The following SRL variants were observed in gnomAD, a reference collection of about 807,000 sequenced individuals.
SRL encodes sarcalumenin.
A neutral mutation model predicts 39.5 loss-of-function variants in SRL; 23 were observed. The ratio of observed to expected loss-of-function variants is 0.58; its 90% CI spans 0.42 to 0.82. The LOEUF (loss-of-function observed/expected upper bound fraction) is 0.82. Among genes scored for constraint, SRL ranks in the 40% least tolerant of loss-of-function variants. SRL has a pLI of 0.00. For missense variants in SRL, 592 were observed against 607.8 expected, an observed-to-expected ratio of 0.97 and a Z score of 0.27; for synonymous variants, 272 against 237.4, an observed-to-expected ratio of 1.15 and a Z score of -1.34.
intron 1 of SRL, chr16:4,207,049 G>C (rs567959046): frequency 2.0e-5 from 9 of 453,220 alleles, no homozygotes; most frequent in Admixed American, 9.5e-5. Flanking sequence ...TCGGCTTCCT[G>C]CAGATCCCCG....
intron 1 of SRL, among the ~76,000 whole-genome samples, chr16:4,233,265 G>A (rs1268507062): frequency 6.6e-6 from 1 of 152,196 alleles, no homozygotes; most frequent in African/African-American, 2.4e-5. Context: ...GCAGTGCCGT[G>A]CTCTGAGCTT....
chr16:4,214,168 C>T (rs2052427137), intron 1 of SRL, among the ~76,000 whole-genome samples: 3 of 152,212 alleles, frequency 2.0e-5, no homozygotes, highest in African/African-American at 7.2e-5. Flanking sequence ...GAATAGAGGT[C>T]AGGACCTGTT....
At chr16:4,227,991 G>A (rs1054203237) in intron 1 of SRL, among the ~76,000 whole-genome samples, 2 of 152,246 alleles carry the variant, frequency 1.3e-5, no homozygotes, top group African/African-American at 4.8e-5. Flanking sequence ...GTCATTTGGG[G>A]TGGGACACTG....
At chr16:4,223,161 G>A (rs564524325) in intron 1 of SRL, among the ~76,000 whole-genome samples, 1 of 150,924 alleles carries the variant, frequency 6.6e-6, no homozygotes, top group Non-Finnish European at 1.5e-5. Context: ...GAACCTAGGA[G>A]GTGGAGTTTG....
chr16:4,192,025 G>A lies in SRL; in HGVS notation c.*128C>T. On this transcript the variant is annotated 3_prime_UTR_variant, in exon 6 of 6. Coordinates refer to ENST00000399609, the MANE Select transcript of SRL (RefSeq NM_001098814.2). This position sits in a 1 kb window ranked among gnomAD's most constrained non-coding sequence, Gnocchi z 4.0. ...ACCTGCCCCGACCCCTGGCCTCAAT[G>A]AACTCCCAACTCTCCACTGTGTAAT... The A allele has an allele frequency of 9.3e-7, 1 of 1,078,046 alleles. No individual in the cohort carries two copies. Among genetic ancestry groups the A allele is most frequent in the Non-Finnish European group, 1.3e-6 (1 of 743,512 alleles). The allele number at this position is 1,078,046 out of a possible 1,614,324, so 66.8% of individuals were successfully genotyped here.
intron 1 of SRL, among the ~76,000 whole-genome samples, chr16:4,210,234 C>T (rs2052375830): frequency 6.6e-6 from 1 of 152,182 alleles, no homozygotes; most frequent in African/African-American, 2.4e-5. Context: ...CTGACTCCTT[C>T]ACCTACATCT....
At chr16:4,224,014 G>C (rs1359013800) in intron 1 of SRL, among the ~76,000 whole-genome samples, 1 of 152,146 alleles carries the variant, frequency 6.6e-6, no homozygotes, top group Non-Finnish European at 1.5e-5. Context: ...AGAGAGAGGA[G>C]CAGCTGGTGG....
chr16:4,199,692 C>CTTTTTTT (rs201684866), intron 3 of SRL, among the ~76,000 whole-genome samples: 8 of 111,452 alleles, frequency 7.2e-5, no homozygotes, highest in African/African-American at 2.7e-4. Context: ...CTTTTCTTTT[C>CTTTTTTT]CTTTTTTTTT....
In SRL at chr16:4,192,316, CA is replaced by C; in HGVS notation, c.1258del (p.Cys420AlafsTer74). The C allele has an allele frequency of 6.2e-7, 1 of 1,614,198 alleles. No individual in the cohort carries two copies. Among genetic ancestry groups the C allele is most frequent in the Non-Finnish European group, 8.5e-7 (1 of 1,180,030 alleles). On this transcript the variant is annotated frameshift_variant, in exon 6 of 6. Transcript: ENST00000399609. LOFTEE classifies it high-confidence loss of function. This position sits in a 1 kb window ranked among gnomAD's most constrained non-coding sequence, Gnocchi z 4.0. The stretch of plus-strand genomic sequence containing the variant: ...CAGAAAGCAACCTCCCATGTAGGAG[CA>C]CTGCTGGGAGAGCAGTTTGAAACTG... ...ISSFKLLSQQ[C>X]SYMGGCFLEK...
intron 1 of SRL, among the ~76,000 whole-genome samples, chr16:4,222,337 C>T (rs566078231): frequency 8.5e-5 from 13 of 152,204 alleles, no homozygotes; most frequent in Non-Finnish European, 1.6e-4. Flanking sequence ...TGCAGTGGCA[C>T]GATCTCAGCT....
At position 4,192,489 on chromosome 16, in the gene SRL, AC is replaced by A. The variant is rs1244263709; in HGVS notation, c.1085del (p.Ser362MetfsTer132). On this transcript the variant is annotated frameshift_variant, in exon 6 of 6. Coordinates refer to ENST00000399609, the MANE Select transcript of SRL (RefSeq NM_001098814.2). LOFTEE classifies it high-confidence loss of function. This position sits in a 1 kb window ranked among gnomAD's most constrained non-coding sequence, Gnocchi z 4.0. ...QTYKDKMTFFSDGELVFKDIV... is the reference protein window; with the variant it reads ...QTYKDKMTFFXDGELVFKDIV... ...TGTCCTTAAAGACCAGTTCTCCATC[AC>A]TGAAGAAGGTCATTTTGTCCTTGTA... 1.9e-6 allele frequency: 3 copies of A among 1,614,046 alleles called. No homozygotes were observed. The highest frequency in any genetic ancestry group is 2.5e-6 in the Non-Finnish European group (3 of 1,180,034).
At chr16:4,204,440 G>A (rs1461827611) in intron 2 of SRL, 93 bp downstream of exon 2, 4 of 1,153,578 alleles carry the variant, frequency 3.5e-6, no homozygotes, top group African/African-American at 3.1e-5. Context: ...TACAGCCCCG[G>A]CACGCCCTGG....
chr16:4,220,240 C>A (rs1285487470), intron 1 of SRL, among the ~76,000 whole-genome samples: 1 of 150,258 alleles, frequency 6.7e-6, no homozygotes, highest in Non-Finnish European at 1.5e-5. Flanking sequence ...GAGTTTGAGA[C>A]CAGCCTGGCC....
intron 1 of SRL, 31 bp from the exon 2 acceptor site, chr16:4,204,665 G>A: frequency 6.2e-7 from 1 of 1,600,706 alleles, no homozygotes; most frequent in Non-Finnish European, 8.6e-7. Flanking sequence ...CCAAGTGAGA[G>A]CAAAGCTAAC....
Position 4,197,894 on chromosome 16 carries a change from G to A in SRL, c.281C>T (p.Pro94Leu). The A allele has an allele frequency of 1.2e-6, 2 of 1,613,556 alleles. No homozygotes were observed. Among genetic ancestry groups the A allele is most frequent in the Middle Eastern group, 1.7e-4 (1 of 6,060 alleles). The part of the protein sequence containing the change: ...EITDGEITSK[P>L]MVLFLGPWSV... ...CCACGGTCCCAGGAACAGTACCATGGGCTTGGAGGTAATCTCTCCATCTGT... is the reference window on the plus strand; with the variant it reads ...CCACGGTCCCAGGAACAGTACCATGAGCTTGGAGGTAATCTCTCCATCTGT... Residue 94 changes from proline (P) to leucine (L), a missense_variant, in exon 4 of 6, where the codon CCC (proline) becomes CTC (leucine). Pro to Leu is a moderately conservative substitution (Grantham distance 98). Transcript: ENST00000399609.
intron 1 of SRL, among the ~76,000 whole-genome samples, chr16:4,239,199 G>C (rs1372585822): frequency 1.3e-5 from 2 of 152,194 alleles, no homozygotes; most frequent in Non-Finnish European, 2.9e-5. Context: ...GGGTGGGAGA[G>C]AAAGGGGCGG....
intron 3 of SRL, among the ~76,000 whole-genome samples, chr16:4,200,832 G>C (rs1405688170): frequency 6.6e-6 from 1 of 152,182 alleles, no homozygotes; most frequent in Non-Finnish European, 1.5e-5. Context: ...CCCCTCTGTA[G>C]AGCAGGAAGA....
In SRL at chr16:4,198,130, T is replaced by A. The variant is rs146196192; in HGVS notation, c.260-215A>T. On this transcript the variant is annotated intron_variant, in intron 3 of 5. Transcript: ENST00000399609. ...AAGTCACTTTTGGGCCTTGCCCAGATCCTTGGCACGTCTGCCCCCACCACA... is the reference window on the plus strand; with the variant it reads ...AAGTCACTTTTGGGCCTTGCCCAGAACCTTGGCACGTCTGCCCCCACCACA... Among the ~76,000 whole-genome samples the A allele has an allele frequency of 3.3e-3, 498 of 152,302 alleles. 1 individual carries two copies. The highest frequency in any genetic ancestry group is 0.01 in the African/African-American group (428 of 41,560).
intron 1 of SRL, among the ~76,000 whole-genome samples, chr16:4,225,668 A>G (rs1219776058): frequency 1.3e-5 from 2 of 151,976 alleles, no homozygotes; most frequent in African/African-American, 4.8e-5. Flanking sequence ...CCATTTCTTA[A>G]CACCCCTGCC....
Sources: allele counts gnomAD v4.1 joint callset (sites outside exome capture counted in the v4.1 genomes callset), GRCh38; gene constraint gnomAD v4.1.1; non-coding constraint Gnocchi (gnomAD v3.1); transcripts MANE v1.5; gene names NCBI Gene and HGNC (gene_info 2026-07-23, HGNC 2026-07-21).